OTOGL: variants seen among roughly 807,000 people sequenced by gnomAD.
The protein encoded by OTOGL is otogelin like.
Under a neutral mutation model 318.5 loss-of-function variants are expected in OTOGL, and 285 were observed. That is an observed-to-expected ratio of 0.89 (90% confidence interval 0.81 to 0.99). The LOEUF is 0.99. Among genes scored for constraint, OTOGL ranks in the 50% least tolerant of loss-of-function variants. The probability of loss-of-function intolerance (pLI) is 0.00; values close to 1 mark genes in which losing one functional copy is unlikely to be tolerated. For synonymous variants in OTOGL, 987 were observed against 936.5 expected (o/e 1.05, Z -0.99); for missense variants, 2,899 against 2,845.6 (o/e 1.02, Z -0.43).
At chr12:80,149,534 C>T (rs1323820746) in intron 1 of OTOGL, among the ~76,000 whole-genome samples, 2 of 152,272 alleles carry the variant, frequency 1.3e-5, no homozygotes, top group Admixed American at 6.5e-5. Flanking sequence ...TGTCTGTGCC[C>T]TGCCCCCAGA....
In OTOGL at chr12:80,205,899, A is replaced by G. The variant is rs74820861; in HGVS notation, c.-19-3514A>G. 1.2e-4 allele frequency among the ~76,000 whole-genome samples: 18 copies of G among 152,340 alleles called. No individual in the cohort carries two copies. In the East Asian group the frequency reaches 1.3e-3, roughly 11 times the overall value. Reference sequence around the variant, plus strand: ...TTATCATTGACATATATACTCCTCAATAAAAATTTTCCCATTCTTGCCAGT... The same window carrying G: ...TTATCATTGACATATATACTCCTCAGTAAAAATTTTCCCATTCTTGCCAGT... On this transcript the variant is annotated intron_variant, in intron 1 of 58. Transcript: ENST00000547103.
In OTOGL at chr12:80,262,016, C is replaced by G. The variant is rs765379804; in HGVS notation, c.1937C>G (p.Ala646Gly). 2.5e-6 allele frequency: 4 copies of G among 1,612,974 alleles called. No individual in the cohort carries two copies. The East Asian group carries it at 8.9e-5, about 36-fold the overall frequency. Residue 646 changes from alanine (A) to glycine (G), a missense_variant, in exon 19 of 59, where the codon GCG becomes GGG. By Grantham distance (60) the Ala-to-Gly change is moderately conservative. Around this residue, in one of 3 missense-constraint regions of OTOGL, gnomAD observed 2,607 missense variants for 2,524.9 expected, o/e 1.03. Coordinates refer to ENST00000547103, the MANE Select transcript of OTOGL (RefSeq NM_001378609.3). The part of the protein sequence containing the change: ...IEGTPQLHAN[A>G]WRVSSTCFAP... ...GGTACACCACAACTTCACGCAAATG[C>G]GTGGAGAGTTTCTTCTACCTGTTTT...
At chr12:80,299,557 T>G (rs990846235) in intron 27 of OTOGL, among the ~76,000 whole-genome samples, 1 of 112,972 alleles carries the variant, frequency 8.9e-6, no homozygotes, top group Non-Finnish European at 2.1e-5. Flanking sequence ...ACATTGAAAG[T>G]GAAAAATAAG....
At chr12:80,273,326 C>T (rs184503813) in intron 24 of OTOGL, among the ~76,000 whole-genome samples, 8 of 152,176 alleles carry the variant, frequency 5.3e-5, no homozygotes, top group African/African-American at 1.9e-4. Context: ...CAAAATAGTC[C>T]AGTGTGACTT....
intron 1 of OTOGL, 66 bp from the exon 2 acceptor site, chr12:80,209,347 C>A: frequency 1.2e-6 from 1 of 832,306 alleles, no homozygotes; most frequent in Non-Finnish European, 1.7e-6. Context: ...AATTTGAGTA[C>A]CCTACAAATA....
At chr12:80,325,031 C>CT (rs34300820) in intron 35 of OTOGL, among the ~76,000 whole-genome samples, 8,323 of 149,582 alleles carry the variant, frequency 0.056, 304 homozygotes, top group Middle Eastern at 0.16. Flanking sequence ...GTATAAACAG[C>CT]TTTTTTTTTT....
chr12:80,226,248 T>G (rs1592572204), intron 7 of OTOGL, among the ~76,000 whole-genome samples: 1 of 141,862 alleles, frequency 7.0e-6, no homozygotes, highest in South Asian at 2.3e-4. Flanking sequence ...CCTAATAGAG[T>G]TATGTCACCA....
At chr12:80,240,884 T>C (rs1398942617) in intron 11 of OTOGL, among the ~76,000 whole-genome samples, 1 of 152,044 alleles carries the variant, frequency 6.6e-6, no homozygotes, top group Non-Finnish European at 1.5e-5. Context: ...TACTCATAAT[T>C]AAAGTTTTTT....
chr12:80,356,905 C>T lies in OTOGL; in HGVS notation c.6010C>T (p.Pro2004Ser), dbSNP rs763128054. Residue 2004 changes from proline (P) to serine (S), a missense_variant, in exon 49 of 59, where the codon CCT (proline) becomes TCT (serine). Around this residue, in one of 3 missense-constraint regions of OTOGL, gnomAD observed 2,607 missense variants for 2,524.9 expected, o/e 1.03. Transcript: ENST00000547103. ...VRQEEPCCFS[P>S]FCVCESCTKP... ...ACAGGAAGAACCTTGTTGTTTTTCC[C>T]CTTTTTGTGGTGAGTATTGTAGAGA... The T allele has an allele frequency of 2.8e-5, 44 of 1,583,022 alleles. No individual in the cohort carries two copies. Among genetic ancestry groups the T allele is most frequent in the Non-Finnish European group, 3.6e-5 (42 of 1,163,500 alleles).
chr12:80,310,555 T>A, intron 29 of OTOGL, 56 bp from the exon 30 acceptor site: 2 of 1,231,212 alleles, frequency 1.6e-6, no homozygotes, highest in East Asian at 4.6e-5. Context: ...TAGGTTACTC[T>A]GTTTGAGAAA....
At chr12:80,262,247 A>G (rs897673878) in intron 19 of OTOGL, among the ~76,000 whole-genome samples, 154 bp downstream of exon 19, 2 of 151,636 alleles carry the variant, frequency 1.3e-5, no homozygotes, top group African/African-American at 4.8e-5. Flanking sequence ...TTTGCTTAAT[A>G]TTATGCCTTT....
intron 1 of OTOGL, among the ~76,000 whole-genome samples, chr12:80,209,195 C>T (rs1458636512): frequency 6.6e-6 from 1 of 152,050 alleles, no homozygotes; most frequent in Admixed American, 6.6e-5. Flanking sequence ...AATACGGGCT[C>T]AGGTAAGAAG....
At chr12:80,176,855 T>C (rs1230394564) in intron 1 of OTOGL, among the ~76,000 whole-genome samples, 1 of 152,176 alleles carries the variant, frequency 6.6e-6, no homozygotes, top group East Asian at 1.9e-4. Context: ...TTTTACGTTC[T>C]TATAAGCACT....
intron 1 of OTOGL, among the ~76,000 whole-genome samples, chr12:80,162,888 T>A (rs2137197257): frequency 6.6e-6 from 1 of 152,140 alleles, no homozygotes; most frequent in African/African-American, 2.4e-5. Context: ...ATGCACCCCT[T>A]GCCCCCACTG....
At chr12:80,288,263 A>T (rs886856525) in intron 26 of OTOGL, among the ~76,000 whole-genome samples, 4 of 152,124 alleles carry the variant, frequency 2.6e-5, no homozygotes, top group Non-Finnish European at 4.4e-5. Flanking sequence ...CTGCAGGAAG[A>T]TCTGCTGTTA....
chr12:80,354,258 C>T (rs1889739130), intron 46 of OTOGL, among the ~76,000 whole-genome samples: 1 of 152,174 alleles, frequency 6.6e-6, no homozygotes, highest in South Asian at 2.1e-4. Flanking sequence ...TCACATCTGT[C>T]CACTTCTTTG....
chr12:80,219,523 G>A (rs1878089127), intron 5 of OTOGL, among the ~76,000 whole-genome samples: 1 of 152,210 alleles, frequency 6.6e-6, no homozygotes, highest in Non-Finnish European at 1.5e-5. Context: ...ATCTGGGACA[G>A]AGATTCCTTA....
At chr12:80,242,393 G>T (rs1346035223) in intron 11 of OTOGL, among the ~76,000 whole-genome samples, 1 of 152,114 alleles carries the variant, frequency 6.6e-6, no homozygotes, top group Non-Finnish European at 1.5e-5. Context: ...TAATAACAAA[G>T]GAAGGACATT....
chr12:80,367,344 G>T (rs532745772), intron 53 of OTOGL, among the ~76,000 whole-genome samples: 2 of 151,852 alleles, frequency 1.3e-5, no homozygotes, highest in African/African-American at 2.4e-5. Context: ...AACAGCAGTT[G>T]ATTTTATAGA....
Sources: gnomAD v4.1 joint callset for allele counts (sites outside exome capture counted in the v4.1 genomes callset) on GRCh38, gnomAD v4.1.1 for gene constraint, gnomAD v4.1.1 regional missense constraint, MANE v1.5 for transcripts, NCBI Gene and HGNC (gene_info 2026-07-23, HGNC 2026-07-21) for gene names.